Variants in CLPTM1 observed in about 807,000 individuals in gnomAD.
CLPTM1 encodes CLPTM1 regulator of GABA type A receptor forward trafficking.
CLPTM1 carries 21 observed loss-of-function variants against 77.3 expected under a neutral mutation model. The observed-to-expected ratio is 0.27, with a 90% CI of 0.19 to 0.39. The LOEUF (loss-of-function observed/expected upper bound fraction) is 0.39. Ranked by LOEUF, CLPTM1 falls within the 10% of genes least tolerant of loss-of-function variation. CLPTM1 has a pLI of 1.00. For missense variants in CLPTM1, 642 were observed against 921.2 expected (o/e 0.70, Z 3.92); for synonymous variants, 373 against 381.0 (o/e 0.98, Z 0.24).
Position 44,977,400 on chromosome 19 carries a change from C to T in CLPTM1, c.526C>T (p.His176Tyr). The T allele has an allele frequency of 6.2e-7, 1 of 1,610,220 alleles. No homozygotes were observed. The highest frequency in any genetic ancestry group is 8.5e-7 in the Non-Finnish European group (1 of 1,180,002). The change falls in exon 5 of 14, where the codon CAC becomes TAC. Residue 176 changes from histidine (H) to tyrosine (Y), a missense_variant. Physicochemically the swap from His to Tyr is moderately conservative, Grantham distance 83. Transcript: ENST00000337392. ...CGTTTACTTCACCAAGAGTGGCTTC[C>T]ACCCAGACCCCCGGCAGAAGGCCCT... ...IHVYFTKSGF[H>Y]PDPRQKALYR...
intron 6 of CLPTM1, among the ~76,000 whole-genome samples, chr19:44,985,831 T>G (rs938561503): frequency 2.3e-4 from 35 of 152,328 alleles, no homozygotes; most frequent in Middle Eastern, 6.8e-3. Flanking sequence ...TGGTCCCTGC[T>G]CATGGAGCTG....
rs573161667 is a variant in CLPTM1, at chr19:44,990,014, C to T, written c.1133-381C>T. Reference sequence around the variant, plus strand: ...TGGCACCATGGTGTGGCACAGACCCCGCGTCCCTTCAGATTCTGCCATGCC... The same window carrying T: ...TGGCACCATGGTGTGGCACAGACCCTGCGTCCCTTCAGATTCTGCCATGCC... On this transcript the variant is annotated intron_variant, in intron 9 of 13. Transcript: ENST00000337392. This position sits in a 1 kb window ranked among gnomAD's most constrained non-coding sequence, Gnocchi z 4.8. The T allele has an allele frequency of 3.2e-5, 7 of 215,816 alleles. No individual in the cohort carries two copies. Among genetic ancestry groups the T allele is most frequent in the Admixed American group, 1.6e-4 (3 of 18,984 alleles). The allele number at this position is 215,816 out of a possible 1,614,324, so 13.4% of individuals were successfully genotyped here. A position where few individuals can be genotyped will look rare whatever the true frequency, so the allele number is the denominator to read the frequency against.
intron 9 of CLPTM1, 130 bp downstream of exon 9, chr19:44,988,303 G>A (rs1288994512): frequency 7.1e-6 from 5 of 705,676 alleles, no homozygotes; most frequent in Non-Finnish European, 1.2e-5. Context: ...CTCTCCAGAG[G>A]CCTAGTGAGC....
chr19:44,983,617 C>CAAAAAAAAAAAAAAA (rs35582067), intron 5 of CLPTM1, among the ~76,000 whole-genome samples: 15 of 39,798 alleles, frequency 3.8e-4, no homozygotes, highest in African/African-American at 1.7e-3. Flanking sequence ...GACTCTGTCT[C>CAAAAAAAAAAAAAAA]AAAAAAAAAA....
At chr19:44,975,967 A>T (rs373876752) in intron 4 of CLPTM1, among the ~76,000 whole-genome samples, 1 of 152,104 alleles carries the variant, frequency 6.6e-6, no homozygotes, top group African/African-American at 2.4e-5. Context: ...GGCTCAAGCA[A>T]TCTTTTCACC....
chr19:44,971,975 A>G (rs1172764087), intron 2 of CLPTM1, among the ~76,000 whole-genome samples: 1 of 137,990 alleles, frequency 7.2e-6, no homozygotes, highest in Non-Finnish European at 1.5e-5. Flanking sequence ...GGTTCAAGTG[A>G]TTCTCCTGCC....
intron 6 of CLPTM1, among the ~76,000 whole-genome samples, chr19:44,986,226 G>A (rs1331805673): frequency 6.6e-6 from 1 of 152,162 alleles, no homozygotes; most frequent in African/African-American, 2.4e-5. Context: ...AGCTGTCCAT[G>A]GTGGCTCACG....
At position 44,991,033 on chromosome 19, in the gene CLPTM1, G is replaced by T; in HGVS notation, c.1419+88G>T. The T allele has an allele frequency of 7.5e-7, 1 of 1,339,518 alleles. No homozygotes were observed. The highest frequency in any genetic ancestry group is 1.2e-5 in the South Asian group (1 of 82,530). The allele number at this position is 1,339,518 out of a possible 1,614,324, so 83.0% of individuals were successfully genotyped here. A position where few individuals can be genotyped will look rare whatever the true frequency, so the allele number is the denominator to read the frequency against. On this transcript the variant is annotated intron_variant, in intron 11 of 13. Transcript: ENST00000337392. This position sits in a 1 kb window ranked among gnomAD's most constrained non-coding sequence, Gnocchi z 5.4. ...CCCGGGGCCGGCCATCTGTCTGCCG[G>T]ACCCATGCTTTACAGCCTGTGCCAC...
At chr19:44,955,167 A>G, upstream of CLPTM1, 1 of 1,535,642 alleles carries the variant, frequency 6.5e-7, no homozygotes, top group Non-Finnish European at 8.7e-7. Flanking sequence ...TTCGGAGCAT[A>G]CAGTGTTTTT....
rs1269340180 is a variant in CLPTM1 at position 44,993,179 on chromosome 19, A to T, written c.*282A>T. The T allele has an allele frequency of 1.3e-5, 1 of 74,226 alleles. No individual in the cohort carries two copies. The highest frequency in any genetic ancestry group is 2.7e-4 in the Admixed American group (1 of 3,676). 4.6% of individuals were successfully genotyped at this position (74,226 alleles called of 1,614,324 possible). On this transcript the variant is annotated 3_prime_UTR_variant, in exon 14 of 14. Coordinates refer to ENST00000337392, the MANE Select transcript of CLPTM1 (RefSeq NM_001294.4). ...TGGTGAAGCTGATGCAGCGTTGCCG[A>T]GGGGGTGGGTTGGGCGGGGGTGGGG...
At position 44,991,475 on chromosome 19, in the gene CLPTM1, G is replaced by C; in HGVS notation, c.1555+102G>C. 6.8e-7 allele frequency: 1 copy of C among 1,461,886 alleles called. No individual in the cohort carries two copies. Among genetic ancestry groups the C allele is most frequent in the Admixed American group, 1.9e-5 (1 of 53,980 alleles). 90.6% of individuals were successfully genotyped at this position (1,461,886 alleles called of 1,614,324 possible). ...CCCATCCCCAGACAGGGACAACCTA[G>C]GGTGGGCAGAGCTGGGATATAGGGA... On this transcript the variant is annotated intron_variant, in intron 12 of 13. Transcript: ENST00000337392. The surrounding 1 kb of genome is among the most constrained non-coding windows in gnomAD (Gnocchi z 5.4).
At chr19:44,955,230 G>C, upstream of CLPTM1, 1 of 1,513,748 alleles carries the variant, frequency 6.6e-7, no homozygotes. Flanking sequence ...GGCCAGGTTG[G>C]TCCTTCCATA....
chr19:44,968,923 G>A (rs1214641020), intron 2 of CLPTM1, among the ~76,000 whole-genome samples: 2 of 152,156 alleles, frequency 1.3e-5, no homozygotes, highest in East Asian at 1.9e-4. Flanking sequence ...CAGCTGGACC[G>A]TGGCCCCTAA....
intron 5 of CLPTM1, among the ~76,000 whole-genome samples, chr19:44,983,137 C>A (rs1177004032): frequency 2.6e-5 from 4 of 151,868 alleles, no homozygotes; most frequent in African/African-American, 4.8e-5. Context: ...TGAGGCTTTT[C>A]TTCCTTCTTT....
chr19:44,982,658 G>A (rs1369880326), intron 5 of CLPTM1, among the ~76,000 whole-genome samples: 2 of 152,226 alleles, frequency 1.3e-5, no homozygotes, highest in East Asian at 1.9e-4. Flanking sequence ...GTCTCTGTCA[G>A]GTGTGGACAC....
intron 5 of CLPTM1, among the ~76,000 whole-genome samples, chr19:44,984,043 G>C (rs567558711): frequency 6.6e-6 from 1 of 152,242 alleles, no homozygotes; most frequent in Non-Finnish European, 1.5e-5. Flanking sequence ...CTTCCTCCCC[G>C]GCAGCATTTG....
intron 5 of CLPTM1, among the ~76,000 whole-genome samples, chr19:44,983,476 G>T (rs576245959): frequency 6.7e-6 from 1 of 149,866 alleles, no homozygotes; most frequent in Non-Finnish European, 1.5e-5. Flanking sequence ...AAATTAGCCG[G>T]GCGTGGTGGT....
At chr19:44,960,293 C>T (rs905810331) in intron 1 of CLPTM1, among the ~76,000 whole-genome samples, 1 of 152,200 alleles carries the variant, frequency 6.6e-6, no homozygotes, top group Non-Finnish European at 1.5e-5. Context: ...TGTCACTTCC[C>T]CCTGCTTGTT....
At chr19:44,987,047 G>A in intron 7 of CLPTM1, 132 bp from the exon 8 acceptor site, 1 of 1,214,696 alleles carries the variant, frequency 8.2e-7, no homozygotes, top group South Asian at 1.5e-5. Context: ...TCCTCATGGT[G>A]TGGCCTAGAA....
Sources: gnomAD v4.1 joint callset for allele counts (sites outside exome capture counted in the v4.1 genomes callset) on GRCh38, gnomAD v4.1.1 for gene constraint, Gnocchi (gnomAD v3.1) non-coding constraint, MANE v1.5 for transcripts, NCBI Gene and HGNC (gene_info 2026-07-23, HGNC 2026-07-21) for gene names.